Variants in TTC12 observed in about 807,000 individuals in gnomAD.
TTC12 encodes tetratricopeptide repeat domain 12.
Under a neutral mutation model 90.1 loss-of-function variants are expected in TTC12, and 70 were observed. That is an observed-to-expected ratio of 0.78 (90% CI 0.64 to 0.95). The LOEUF is 0.95. TTC12 is among the 40% of genes least tolerant of loss of function. The pLI, the probability that TTC12 is intolerant of heterozygous loss-of-function variation, is 0.00. For missense variants in TTC12, 819 were observed against 846.1 expected, an observed-to-expected ratio of 0.97 and a Z score of 0.40; for synonymous variants, 296 against 311.5, an observed-to-expected ratio of 0.95 and a Z score of 0.53.
chr11:113,330,279 C>T (rs1308126024), intron 7 of TTC12, among the ~76,000 whole-genome samples: 2 of 152,208 alleles, frequency 1.3e-5, no homozygotes, highest in Non-Finnish European at 2.9e-5. Flanking sequence ...AGTGGAAATG[C>T]CTCCTTCTGT....
intron 7 of TTC12, 77 bp from the exon 8 acceptor site, chr11:113,334,889 T>C (rs993554770): frequency 1.6e-6 from 2 of 1,217,122 alleles, no homozygotes. Context: ...CTTAACTCTT[T>C]TAGCTGTATA....
chr11:113,332,845 G>A (rs938891747), intron 7 of TTC12, among the ~76,000 whole-genome samples: 6 of 152,112 alleles, frequency 3.9e-5, no homozygotes, highest in Non-Finnish European at 7.4e-5. Context: ...ACCTCTTTCC[G>A]TTAATGACAC....
intron 13 of TTC12, among the ~76,000 whole-genome samples, chr11:113,346,173 G>C (rs782406089): frequency 6.6e-6 from 1 of 152,172 alleles, no homozygotes; most frequent in Non-Finnish European, 1.5e-5. Flanking sequence ...CCAAGGGCCA[G>C]TGTCATTTTG....
intron 6 of TTC12, among the ~76,000 whole-genome samples, chr11:113,328,107 C>A (rs1349889875): frequency 6.6e-6 from 1 of 152,160 alleles, no homozygotes; most frequent in Non-Finnish European, 1.5e-5. Flanking sequence ...TGATCATGGA[C>A]AATCCTATGT....
At chr11:113,315,300 G>A (rs1440435129) in intron 1 of TTC12, 1 of 152,148 alleles carries the variant, frequency 6.6e-6, no homozygotes, top group African/African-American at 2.4e-5. Context: ...CCCATAGTAT[G>A]GGTGAGGACT....
Position 113,364,962 on chromosome 11 carries a change from G to A in TTC12, c.1944G>A (p.Leu648=), listed in dbSNP as rs149758557. The change falls in exon 21 of 22, where the codon TTG becomes TTA. Residue 648 remains leucine, a synonymous_variant. Coordinates refer to ENST00000529221, the MANE Select transcript of TTC12 (RefSeq NM_017868.4). ...CTTCCCTGCTAAAGACGGACCTTTTGCAGGTCTTGTTAAAGCTTGCAGGCA... is the reference window on the plus strand; with the variant it reads ...CTTCCCTGCTAAAGACGGACCTTTTACAGGTCTTGTTAAAGCTTGCAGGCA... ...VASSLLKTDL[L]QVLLKLAGSD... 1.1e-4 allele frequency: 173 copies of A among 1,614,078 alleles called. No individual in the cohort carries two copies. In the Middle Eastern group the frequency reaches 1.3e-3, roughly 12 times the overall value.
At chr11:113,347,344 G>A (rs1471188264) in intron 13 of TTC12, among the ~76,000 whole-genome samples, 7 of 152,126 alleles carry the variant, frequency 4.6e-5, no homozygotes, top group East Asian at 1.9e-4. Context: ...TGTCCTCTGC[G>A]TACCCCCATA....
Position 113,324,680 on chromosome 11 carries a change from A to C in TTC12, c.320A>C (p.Asp107Ala), listed in dbSNP as rs782103471. Residue 107 changes from aspartate to alanine, a missense_variant and splice_region_variant, in exon 5 of 22, where the codon GAT (aspartate) becomes GCT (alanine). Asp to Ala is a moderately radical substitution (Grantham distance 126). Coordinates refer to ENST00000529221, the MANE Select transcript of TTC12 (RefSeq NM_017868.4). ...KRRRENKVLA[D>A]ALKEKGNEAF... ...AGAAGGGAAAACAAAGTCTTGGCGG[A>C]TGGTAATTGTCAGTCCTTACTTTTC... The C allele has an allele frequency of 8.7e-6, 14 of 1,613,642 alleles. No individual in the cohort carries two copies. In the East Asian group the frequency reaches 3.1e-4, roughly 36 times the overall value.
chr11:113,367,820 C>T (rs1471736208), downstream of TTC12, among the ~76,000 whole-genome samples: 1 of 150,266 alleles, frequency 6.7e-6, no homozygotes, highest in African/African-American at 2.5e-5. Context: ...TCTGTGGTGG[C>T]GCCCTGGGTG....
At chr11:113,370,993 C>T (rs1950369623), downstream of TTC12, among the ~76,000 whole-genome samples, 3 of 152,178 alleles carry the variant, frequency 2.0e-5, no homozygotes, top group African/African-American at 4.8e-5. Context: ...GAATTCATCT[C>T]GCTGCTGCTG....
At chr11:113,342,496 A>G (rs910827759) in intron 12 of TTC12, among the ~76,000 whole-genome samples, 2 of 152,168 alleles carry the variant, frequency 1.3e-5, no homozygotes, top group African/African-American at 4.8e-5. Context: ...TACTTCTGTC[A>G]TTTTTAAAAA....
chr11:113,338,736 C>T (rs782312903), intron 8 of TTC12, 38 bp from the exon 9 acceptor site: 11 of 1,554,956 alleles, frequency 7.1e-6, no homozygotes, highest in Middle Eastern at 1.7e-4. Context: ...ATCACCTTTA[C>T]CCCAACCACT....
At chr11:113,337,800 G>A (rs1948452055) in intron 8 of TTC12, among the ~76,000 whole-genome samples, 1 of 151,252 alleles carries the variant, frequency 6.6e-6, no homozygotes, top group Non-Finnish European at 1.5e-5. Flanking sequence ...ATCCAAGCAA[G>A]AGGTGGTGAT....
intron 16 of TTC12, among the ~76,000 whole-genome samples, chr11:113,359,104 C>T (rs1034021489): frequency 9.2e-5 from 14 of 151,888 alleles, no homozygotes; most frequent in Non-Finnish European, 2.1e-4. Context: ...TCACCCGTCT[C>T]AGCAGCTGAC....
At chr11:113,323,835 T>C (rs1947510882) in intron 3 of TTC12, among the ~76,000 whole-genome samples, 159 bp from the exon 4 acceptor site, 2 of 152,220 alleles carry the variant, frequency 1.3e-5, no homozygotes, top group African/African-American at 4.8e-5. Context: ...GATCTCCTGA[T>C]TTAAAGCAAG....
chr11:113,317,282 G>A (rs532223199), intron 2 of TTC12, among the ~76,000 whole-genome samples: 2 of 152,104 alleles, frequency 1.3e-5, no homozygotes, highest in Middle Eastern at 3.4e-3. Flanking sequence ...GTCCAAAATT[G>A]AGGCATCATC....
In TTC12 at chr11:113,352,150, T is replaced by C. The variant is rs377640524; in HGVS notation, c.1389T>C (p.Thr463=). Residue 463 remains threonine, a synonymous_variant, in exon 16 of 22, where the codon ACT becomes ACC. Transcript: ENST00000529221. ...TGGGAAACCTCAGTGCTGAGCCCAC[T>C]ACCCGAAGACACATGGCGGCCTGTG... ...AIMGNLSAEP[T]TRRHMAACEE... 23 of 1,614,134 alleles carry C rather than the reference T, an allele frequency of 1.4e-5. 1 individual carries two copies. The African/African-American group carries it at 2.9e-4, about 21-fold the overall frequency.
Position 113,359,860 on chromosome 11 carries a change from G to A in TTC12, c.1546-80G>A, listed in dbSNP as rs781846348. The stretch of plus-strand genomic sequence containing the variant: ...AGTGTGGTGGTGCTAAAAAGGAGAC[G>A]GTGCTCAGAAGAAGCTCCGCTGAGA... On this transcript the variant is annotated intron_variant, in intron 17 of 21. Transcript: ENST00000529221. 208 of 1,113,214 alleles carry A rather than the reference G, an allele frequency of 1.9e-4. 1 individual carries two copies. The highest frequency in any genetic ancestry group is 2.5e-4 in the Non-Finnish European group (192 of 757,900). 69.0% of individuals were successfully genotyped at this position (1,113,214 alleles called of 1,614,324 possible). A position where few individuals can be genotyped will look rare whatever the true frequency, so the allele number is the denominator to read the frequency against.
chr11:113,365,538 G>A (rs1405637985), intron 21 of TTC12: 1 of 198,940 alleles, frequency 5.0e-6, no homozygotes, highest in Non-Finnish European at 1.1e-5. Flanking sequence ...GAAAACAGTG[G>A]AGAAGGAGAG....
Sources: allele counts gnomAD v4.1 joint callset (sites outside exome capture counted in the v4.1 genomes callset), GRCh38; gene constraint gnomAD v4.1.1; transcripts MANE v1.5; gene names NCBI Gene and HGNC (gene_info 2026-07-23, HGNC 2026-07-21).